The following NR2C1 variants were observed in gnomAD, a reference collection of about 807,000 sequenced individuals.
The protein encoded by NR2C1 is TR2 nuclear hormone receptor.
A neutral mutation model predicts 74.8 loss-of-function variants in NR2C1; 33 were observed. The observed-to-expected ratio is 0.44, with a 90% CI of 0.33 to 0.59. NR2C1 has a LOEUF of 0.59. NR2C1 is among the 20% of genes least tolerant of loss of function. NR2C1 has a pLI of 0.02. For synonymous variants in NR2C1, 225 were observed against 240.6 expected (o/e 0.94, Z 0.60); for missense variants, 568 against 715.6 (o/e 0.79, Z 2.35).
chr12:95,046,036 C>T (rs562183517), intron 9 of NR2C1, among the ~76,000 whole-genome samples: 52 of 152,064 alleles, frequency 3.4e-4, no homozygotes, highest in Non-Finnish European at 5.4e-4. Flanking sequence ...CACGGGATTT[C>T]GTCATGTTGG....
chr12:95,030,709 G>A, intron 11 of NR2C1: 2 of 1,601,268 alleles, frequency 1.2e-6, no homozygotes, highest in Non-Finnish European at 1.7e-6. Flanking sequence ...AGAACTAAAA[G>A]GTAGTCCCCA....
chr12:95,023,514 C>G (rs1869000919), intron 13 of NR2C1, among the ~76,000 whole-genome samples: 1 of 152,218 alleles, frequency 6.6e-6, no homozygotes, highest in South Asian at 2.1e-4. Flanking sequence ...GCAATAGTTG[C>G]TATTACTGGG....
rs1382204852 is a variant in NR2C1, at chr12:95,020,437, G to A, written c.*1792C>T. The A allele has an allele frequency of 6.6e-6, 1 of 151,938 alleles. No homozygotes were observed. 9.4% of individuals were successfully genotyped at this position (151,938 alleles called of 1,614,324 possible). A position where few individuals can be genotyped will look rare whatever the true frequency, so the allele number is the denominator to read the frequency against. ...TGGCTTACTAAACTGTATTTATAAA[G>A]GTATAAACTACTGATTTTTCCATTT... On this transcript the variant is annotated 3_prime_UTR_variant, in exon 14 of 14. Coordinates refer to ENST00000333003, the MANE Select transcript of NR2C1 (RefSeq NM_003297.4).
chr12:95,023,791 A>T (rs928538088), intron 13 of NR2C1, among the ~76,000 whole-genome samples: 1 of 152,234 alleles, frequency 6.6e-6, no homozygotes, highest in Non-Finnish European at 1.5e-5. Flanking sequence ...AAACTGAGAA[A>T]GCTGCAGTCA....
At chr12:95,033,998 G>A (rs748173333) in intron 10 of NR2C1, among the ~76,000 whole-genome samples, 24 of 152,082 alleles carry the variant, frequency 1.6e-4, no homozygotes, top group Non-Finnish European at 2.8e-4. Context: ...CGTCCTGATA[G>A]GAAATATGTC....
intron 10 of NR2C1, among the ~76,000 whole-genome samples, chr12:95,031,775 G>A (rs1479107718): frequency 6.6e-6 from 1 of 152,012 alleles, no homozygotes; most frequent in Non-Finnish European, 1.5e-5. Context: ...CATAGAAATG[G>A]AATAAAGATT....
intron 9 of NR2C1, among the ~76,000 whole-genome samples, chr12:95,047,894 ATGTAT>A (rs1872509251): frequency 6.6e-6 from 1 of 152,220 alleles, no homozygotes; most frequent in South Asian, 2.1e-4. Flanking sequence ...AGTATTCTGC[ATGTAT>A]TGTTTCTGTC....
At chr12:95,067,120 C>G (rs1244447641) in intron 2 of NR2C1, 4 of 566,768 alleles carry the variant, frequency 7.1e-6, no homozygotes, top group South Asian at 2.4e-5. Flanking sequence ...TTCTTCTGTG[C>G]TCCCATTGCA....
At chr12:95,031,024 G>A (rs1206680558) in intron 11 of NR2C1, among the ~76,000 whole-genome samples, 2 of 152,150 alleles carry the variant, frequency 1.3e-5, no homozygotes, top group Non-Finnish European at 2.9e-5. Context: ...AAATTGCTGA[G>A]TAGTATATGT....
At chr12:95,025,338 T>G (rs944890824) in intron 12 of NR2C1, 83 bp from the exon 13 acceptor site, 4 of 698,746 alleles carry the variant, frequency 5.7e-6, no homozygotes, top group Admixed American at 3.1e-5. Context: ...ACAGAAAGAA[T>G]AGTCAAAATA....
intron 7 of NR2C1, among the ~76,000 whole-genome samples, chr12:95,056,935 G>A (rs138946512): frequency 0.013 from 1,888 of 148,410 alleles, 42 homozygotes; most frequent in African/African-American, 0.045. Flanking sequence ...CTCTAGCCTC[G>A]GCAACAGAGT....
At chr12:95,067,766 T>C (rs1875940392) in intron 1 of NR2C1, among the ~76,000 whole-genome samples, 2 of 152,002 alleles carry the variant, frequency 1.3e-5, no homozygotes, top group Non-Finnish European at 2.9e-5. Flanking sequence ...TCTCACTGTG[T>C]TGCCCAGGCT....
intron 9 of NR2C1, among the ~76,000 whole-genome samples, chr12:95,044,580 T>C (rs921774354): frequency 9.9e-5 from 15 of 152,032 alleles, no homozygotes; most frequent in African/African-American, 3.6e-4. Context: ...CCAGCCGATA[T>C]AGCTTTTAAA....
chr12:95,020,282 T>C lies in NR2C1; in HGVS notation c.*1947A>G, dbSNP rs922237770. ...AAATATACTGGTAAGACACAGAAAT[T>C]TGTAATGCAAGTCACATTTTAATAT... On this transcript the variant is annotated 3_prime_UTR_variant, in exon 14 of 14. Transcript: ENST00000333003. 1 of 152,130 alleles carries C rather than the reference T, an allele frequency of 6.6e-6. No individual in the cohort carries two copies. The highest frequency in any genetic ancestry group is 6.6e-5 in the Admixed American group (1 of 15,252). The allele number at this position is 152,130 out of a possible 1,614,324, so 9.4% of individuals were successfully genotyped here.
chr12:95,055,929 G>A (rs1873773358), intron 7 of NR2C1, among the ~76,000 whole-genome samples: 1 of 133,756 alleles, frequency 7.5e-6, no homozygotes, highest in Non-Finnish European at 1.5e-5. Flanking sequence ...CTCCAGACGG[G>A]GTAACAGAGC....
intron 7 of NR2C1, among the ~76,000 whole-genome samples, chr12:95,054,344 A>G (rs1873522443): frequency 6.6e-6 from 1 of 150,484 alleles, no homozygotes; most frequent in Non-Finnish European, 1.5e-5. Context: ...AGACACTCCT[A>G]TCGCCTAGAC....
chr12:95,057,842 C>T lies in NR2C1; in HGVS notation c.581G>A (p.Arg194Gln), dbSNP rs762280607. The change falls in exon 6 of 14, where the codon CGA (arginine) becomes CAA (glutamine). Residue 194 changes from arginine to glutamine, a missense_variant. Around this residue, in one of 6 missense-constraint regions of NR2C1, gnomAD observed 239 missense variants for 232.3 expected, o/e 1.03. Coordinates refer to ENST00000333003, the MANE Select transcript of NR2C1 (RefSeq NM_003297.4). ...QCERKPIEVS[R>Q]EKSSNCAAST... The stretch of plus-strand genomic sequence containing the variant: ...AGCGGCACAGTTGGAAGATTTTTCT[C>T]GTGATACTTCAATGGGTTTTCTTTC... 3.5e-5 allele frequency: 57 copies of T among 1,613,808 alleles called. No homozygotes were observed. Among genetic ancestry groups the T allele is most frequent in the Non-Finnish European group, 4.3e-5 (51 of 1,179,888 alleles).
intron 2 of NR2C1, among the ~76,000 whole-genome samples, chr12:95,066,439 T>C (rs1875714615): frequency 6.6e-6 from 1 of 152,202 alleles, no homozygotes; most frequent in Non-Finnish European, 1.5e-5. Flanking sequence ...TATACATACA[T>C]ACATATATGT....
chr12:95,072,392 G>GCAGTGAGC (rs953670968), intron 1 of NR2C1, among the ~76,000 whole-genome samples: 1 of 148,694 alleles, frequency 6.7e-6, no homozygotes, highest in African/African-American at 2.5e-5. Context: ...GGCGGAGGTT[G>GCAGTGAGC]CAGTGAGCCG....
Sources: gnomAD v4.1 joint callset for allele counts (sites outside exome capture counted in the v4.1 genomes callset) on GRCh38, gnomAD v4.1.1 for gene constraint, gnomAD v4.1.1 regional missense constraint, MANE v1.5 for transcripts, NCBI Gene and HGNC (gene_info 2026-07-23, HGNC 2026-07-21) for gene names.